ETV3: variants seen among roughly 807,000 people sequenced by gnomAD.
ETV3 encodes the protein ETS translocation variant 3.
In ETV3, 8 loss-of-function variants were observed where a neutral mutation model predicts 33.0. That is an observed-to-expected ratio of 0.24 (90% confidence interval 0.14 to 0.44). ETV3 has a LOEUF of 0.44. Among genes scored for constraint, ETV3 ranks in the 20% least tolerant of loss-of-function variants. The pLI, the probability that ETV3 is intolerant of heterozygous loss-of-function variation, is 1.00. For synonymous variants in ETV3, 222 were observed against 238.9 expected (o/e 0.93, Z 0.65); for missense variants, 473 against 652.3 (o/e 0.73, Z 2.99).
intron 4 of ETV3, 62 bp downstream of exon 4, chr1:157,134,050 G>C: frequency 6.3e-7 from 1 of 1,585,828 alleles, no homozygotes; most frequent in Non-Finnish European, 8.6e-7. Flanking sequence ...TCTTAGATTT[G>C]GATTTTTAAA....
At chr1:157,131,454 G>A (rs541693919) in intron 4 of ETV3, among the ~76,000 whole-genome samples, 12 of 152,084 alleles carry the variant, frequency 7.9e-5, no homozygotes, top group African/African-American at 2.9e-4. Flanking sequence ...TATTAAACCC[G>A]GCATATCTTA....
In ETV3 at chr1:157,133,872, A is replaced by G; in HGVS notation, c.400+240T>C. 4.4e-6 allele frequency: 6 copies of G among 1,354,594 alleles called. No homozygotes were observed. The South Asian group carries it at 7.2e-5, about 16-fold the overall frequency. 83.9% of individuals were successfully genotyped at this position (1,354,594 alleles called of 1,614,324 possible). A position where few individuals can be genotyped will look rare whatever the true frequency, so the allele number is the denominator to read the frequency against. ...AGCGTAATAGTATCTAGGAGATTAC[A>G]AACAATATGCAGAAAAGGGAACCAA... is the stretch of plus-strand genomic sequence containing the variant. On this transcript the variant is annotated intron_variant, in intron 4 of 4. Coordinates refer to ENST00000368192, the MANE Select transcript of ETV3 (RefSeq NM_001145312.3).
In ETV3 at chr1:157,124,818, C is replaced by T; in HGVS notation, c.*23G>A. 8.4e-7 allele frequency: 1 copy of T among 1,187,468 alleles called. No homozygotes were observed. Among genetic ancestry groups the T allele is most frequent in the Non-Finnish European group, 1.1e-6 (1 of 939,720 alleles). The allele number at this position is 1,187,468 out of a possible 1,614,324, so 73.6% of individuals were successfully genotyped here. On this transcript the variant is annotated 3_prime_UTR_variant, in exon 5 of 5. Coordinates refer to ENST00000368192, the MANE Select transcript of ETV3 (RefSeq NM_001145312.3). ...TGTATGTATTTGATTATAGTATAAA[C>T]AGCTCCTAATCCACTTCCAGTTCTA...
chr1:157,129,853 T>C (rs967449211), intron 4 of ETV3, among the ~76,000 whole-genome samples: 16 of 147,578 alleles, frequency 1.1e-4, no homozygotes, highest in African/African-American at 4.0e-4. Context: ...TTTTGTTTTG[T>C]TTTTTTTTTG....
chr1:157,137,586 A>G (rs1376011973), intron 1 of ETV3, among the ~76,000 whole-genome samples: 1 of 150,898 alleles, frequency 6.6e-6, no homozygotes, highest in Admixed American at 6.7e-5. Flanking sequence ...ACCGGGGCTG[A>G]GGCAGGAGCT....
chr1:157,123,586 C>G lies in ETV3; in HGVS notation c.*1255G>C, dbSNP rs973349538. The G allele has an allele frequency of 6.6e-6, 1 of 152,252 alleles. No individual in the cohort carries two copies. The highest frequency in any genetic ancestry group is 1.5e-5 in the Non-Finnish European group (1 of 68,056). 9.4% of individuals were successfully genotyped at this position (152,252 alleles called of 1,614,324 possible). A position where few individuals can be genotyped will look rare whatever the true frequency, so the allele number is the denominator to read the frequency against. ...CCACCTCTTCCTTCAGTCTCAACATCCACTTGTACCCCCAGCTACCTCCCA... is the reference window on the plus strand; with the variant it reads ...CCACCTCTTCCTTCAGTCTCAACATGCACTTGTACCCCCAGCTACCTCCCA... On this transcript the variant is annotated 3_prime_UTR_variant, in exon 5 of 5. Transcript: ENST00000368192.
Position 157,124,891 on chromosome 1 carries a change from A to G in ETV3, c.1489T>C (p.Trp497Arg). 6.4e-7 allele frequency: 1 copy of G among 1,551,388 alleles called. No individual in the cohort carries two copies. The highest frequency in any genetic ancestry group is 8.7e-7 in the Non-Finnish European group (1 of 1,146,880). ...RELSKSGKFL[W>R]NGSGPQGLAT... is the part of the protein sequence containing the mutation. ...AAGCCCTGGGGTCCTGACCCATTCC[A>G]GAGAAACTTGCCACTCTTGCTCAGC... The change falls in exon 5 of 5, where the codon TGG becomes CGG. Residue 497 changes from tryptophan (W) to arginine (R), a missense_variant. Trp to Arg is a moderately radical substitution (Grantham distance 101). Coordinates refer to ENST00000368192, the MANE Select transcript of ETV3 (RefSeq NM_001145312.3).
intron 4 of ETV3, chr1:157,133,686 T>C: frequency 1.0e-6 from 1 of 993,636 alleles, no homozygotes; most frequent in Non-Finnish European, 1.2e-6. Context: ...GTTTTGATGA[T>C]ATTCACTTGA....
intron 1 of ETV3, among the ~76,000 whole-genome samples, chr1:157,137,509 A>AACAC (rs10567825): frequency 0.022 from 3,138 of 145,066 alleles, 51 homozygotes; most frequent in South Asian, 0.044. Flanking sequence ...GACAAGGAAA[A>AACAC]ACACACACAC....
At position 157,124,814 on chromosome 1, in the gene ETV3, TA is replaced by T. The variant is rs1376987056; in HGVS notation, c.*26del. ...TACATGTATGTATTTGATTATAGTA[TA>T]AACAGCTCCTAATCCACTTCCAGTT... is the stretch of plus-strand genomic sequence containing the variant. On this transcript the variant is annotated 3_prime_UTR_variant, in exon 5 of 5. Coordinates refer to ENST00000368192, the MANE Select transcript of ETV3 (RefSeq NM_001145312.3). 8 of 1,465,130 alleles carry T rather than the reference TA, an allele frequency of 5.5e-6. No individual in the cohort carries two copies. The East Asian group carries it at 1.5e-4, about 28-fold the overall frequency. The allele number at this position is 1,465,130 out of a possible 1,614,324, so 90.8% of individuals were successfully genotyped here.
intron 3 of ETV3, among the ~76,000 whole-genome samples, chr1:157,134,536 A>T (rs989106537): frequency 1.3e-5 from 2 of 152,106 alleles, no homozygotes; most frequent in Non-Finnish European, 2.9e-5. Context: ...TCTACAGTCC[A>T]TTTCCGTCCG....
chr1:157,135,431 T>C, intron 3 of ETV3, 40 bp downstream of exon 3: 1 of 1,604,276 alleles, frequency 6.2e-7, no homozygotes, highest in Non-Finnish European at 8.5e-7. Context: ...TTAGTCTCCT[T>C]CCAATCTGTT....
intron 4 of ETV3, among the ~76,000 whole-genome samples, chr1:157,127,287 T>C (rs1674865179): frequency 6.6e-6 from 1 of 152,262 alleles, no homozygotes; most frequent in Non-Finnish European, 1.5e-5. Context: ...AGGCTACACA[T>C]TTGTTAAGTT....
At position 157,125,960 on chromosome 1, in the gene ETV3, T is replaced by C. The variant is rs763221676; in HGVS notation, c.420A>G (p.Ala140=). The C allele has an allele frequency of 1.5e-5, 24 of 1,550,022 alleles. No homozygotes were observed. The highest frequency in any genetic ancestry group is 1.9e-5 in the Non-Finnish European group (22 of 1,146,298). ...IRSSGVVPQS[A]PPVPTASSRF... ...GGGAAGAGGCTGTTGGCACTGGTGG[T>C]GCACTCTGAGGAACCACACCTGTGA... Residue 140 remains alanine (A), a synonymous_variant, in exon 5 of 5, where the codon GCA becomes GCG. Coordinates refer to ENST00000368192, the MANE Select transcript of ETV3 (RefSeq NM_001145312.3). The surrounding 1 kb of genome is among the most constrained non-coding windows in gnomAD (Gnocchi z 4.0).
intron 4 of ETV3, among the ~76,000 whole-genome samples, chr1:157,132,726 G>A (rs1025694857): frequency 6.6e-6 from 1 of 150,766 alleles, no homozygotes; most frequent in Non-Finnish European, 1.5e-5. Context: ...GTTGTAATTA[G>A]AGAGATGCAT....
At chr1:157,129,454 G>A (rs1312339191) in intron 4 of ETV3, among the ~76,000 whole-genome samples, 1 of 152,104 alleles carries the variant, frequency 6.6e-6, no homozygotes, top group African/African-American at 2.4e-5. Flanking sequence ...TGGTGCTTTT[G>A]CCAATTTAAA....
rs1253214031 is a variant in ETV3, at chr1:157,121,594, A to G, written c.*3247T>C. The G allele has an allele frequency of 6.6e-6, 1 of 152,268 alleles. No individual in the cohort carries two copies. The highest frequency in any genetic ancestry group is 1.9e-4 in the East Asian group (1 of 5,204). 9.4% of individuals were successfully genotyped at this position (152,268 alleles called of 1,614,324 possible). A position where few individuals can be genotyped will look rare whatever the true frequency, so the allele number is the denominator to read the frequency against. ...TTTTTATCCCCCTAAGAAGAAACCA[A>G]GAATGGAACAGTTCTTGAAAGATTG... On this transcript the variant is annotated 3_prime_UTR_variant, in exon 5 of 5. Coordinates refer to ENST00000368192, the MANE Select transcript of ETV3 (RefSeq NM_001145312.3).
In ETV3 at chr1:157,122,235, G is replaced by A. The variant is rs1201037312; in HGVS notation, c.*2606C>T. The A allele has an allele frequency of 6.6e-6, 1 of 152,050 alleles. No individual in the cohort carries two copies. The highest frequency in any genetic ancestry group is 1.5e-5 in the Non-Finnish European group (1 of 68,040). The allele number at this position is 152,050 out of a possible 1,614,324, so 9.4% of individuals were successfully genotyped here. A position where few individuals can be genotyped will look rare whatever the true frequency, so the allele number is the denominator to read the frequency against. On this transcript the variant is annotated 3_prime_UTR_variant, in exon 5 of 5. Transcript: ENST00000368192. ...GGTGCTACCAGGAGTGGGCTGAGGG[G>A]AGAAAAACTATCTCCCACTCTTTTG...
chr1:157,129,023 GA>G (rs370019302), intron 4 of ETV3, among the ~76,000 whole-genome samples: 177 of 152,290 alleles, frequency 1.2e-3, no homozygotes, highest in Admixed American at 2.9e-3. Context: ...CTAGTTATGT[GA>G]ATATATTTAA....
Sources: allele counts gnomAD v4.1 joint callset (sites outside exome capture counted in the v4.1 genomes callset), GRCh38; gene constraint gnomAD v4.1.1; non-coding constraint Gnocchi (gnomAD v3.1); transcripts MANE v1.5; gene names NCBI Gene and HGNC (gene_info 2026-07-23, HGNC 2026-07-21).